DTNA: variants seen among roughly 807,000 people sequenced by gnomAD.
The protein encoded by DTNA is dystrophin-related protein 3.
A neutral mutation model predicts 100.7 loss-of-function variants in DTNA; 43 were observed. That is an observed-to-expected ratio of 0.43 (90% CI 0.33 to 0.55). The LOEUF is 0.55. Ranked by LOEUF, DTNA falls within the 20% of genes least tolerant of loss-of-function variation. The pLI, the probability that DTNA is intolerant of heterozygous loss-of-function variation, is 0.04. For synonymous variants in DTNA, 349 were observed against 347.9 expected (o/e 1.00, Z -0.04); for missense variants, 798 against 953.9 (o/e 0.84, Z 2.15).
rs1220405234 is a variant in DTNA, at chr18:34,827,688, C to A, written c.1085+12C>A. ...TTTATTACCAGGAGGTAAGTTCCAA[C>A]CCTATTATAAAATAAGCCCTTTCTT... On this transcript the variant is annotated intron_variant, in intron 10 of 22. Coordinates refer to ENST00000444659, the MANE Select transcript of DTNA (RefSeq NM_001386795.1). 2.5e-6 allele frequency: 4 copies of A among 1,611,680 alleles called. No individual in the cohort carries two copies. Among genetic ancestry groups the A allele is most frequent in the Non-Finnish European group, 3.4e-6 (4 of 1,177,798 alleles).
chr18:34,660,658 G>A (rs2075058382), intron 1 of DTNA, among the ~76,000 whole-genome samples: 1 of 151,924 alleles, frequency 6.6e-6, no homozygotes. Flanking sequence ...CCTGTTACTT[G>A]GAGACTTCAT....
rs145224519 is a variant in DTNA, at chr18:34,577,995, G to T, written c.-2+84481G>T. 3.0e-4 allele frequency among the ~76,000 whole-genome samples: 44 copies of T among 148,538 alleles called. No homozygotes were observed. The East Asian group carries it at 8.3e-3, about 28-fold the overall frequency. ...TGGGTAGATACCCAGTAGTGGGATT[G>T]CTGGATCAAATGGTAGCTGTACTTT... is the stretch of plus-strand genomic sequence containing the variant. On this transcript the variant is annotated intron_variant, in intron 1 of 19. Transcript: ENST00000283365.
chr18:34,824,349 G>A (rs903807543), intron 9 of DTNA, among the ~76,000 whole-genome samples: 5 of 152,038 alleles, frequency 3.3e-5, no homozygotes, highest in Non-Finnish European at 5.9e-5. Flanking sequence ...GGTGGTGGGC[G>A]CCTGTAGTCC....
At chr18:34,769,741 G>A (rs868323380) in intron 3 of DTNA, among the ~76,000 whole-genome samples, 1 of 14,532 alleles carries the variant, frequency 6.9e-5, no homozygotes, top group South Asian at 3.3e-3. Flanking sequence ...TTTTTTTTTT[G>A]ACAGAGTTTC....
At chr18:34,833,732 C>T (rs981433572) in intron 11 of DTNA, among the ~76,000 whole-genome samples, 17 of 152,136 alleles carry the variant, frequency 1.1e-4, no homozygotes, top group African/African-American at 9.7e-5. Context: ...TTTGTGTGCA[C>T]ATGATTTTAG....
At chr18:34,737,995 A>T (rs939537798) in intron 1 of DTNA, 9 of 152,188 alleles carry the variant, frequency 5.9e-5, no homozygotes, top group African/African-American at 2.2e-4. Flanking sequence ...TATTAGAGAA[A>T]TTCGGAAAAG....
chr18:34,842,363 T>C (rs1272878014), intron 13 of DTNA, among the ~76,000 whole-genome samples: 1 of 152,158 alleles, frequency 6.6e-6, no homozygotes, highest in Non-Finnish European at 1.5e-5. Context: ...ATTTTATGCT[T>C]TGGGAAAAAA....
intron 1 of DTNA, among the ~76,000 whole-genome samples, chr18:34,692,839 T>C (rs914993988): frequency 6.6e-6 from 1 of 152,186 alleles, no homozygotes; most frequent in Non-Finnish European, 1.5e-5. Flanking sequence ...GTGGAGTCTC[T>C]TTAAGGCAAG....
chr18:34,818,300 C>T lies in DTNA; in HGVS notation c.846C>T (p.Asn282=). ...WRGHAGGSHS[N]QHQMKEYTSW... is the part of the protein sequence containing the mutation. ...GACATGCCGGTGGTTCTCATAGCAA[C>T]CAGCACCAAATGAAAGAGTACACGT... Residue 282 remains asparagine, a synonymous_variant, in exon 8 of 23, where the codon AAC becomes AAT. Coordinates refer to ENST00000444659, the MANE Select transcript of DTNA (RefSeq NM_001386795.1). 1 of 1,613,898 alleles carries T rather than the reference C, an allele frequency of 6.2e-7. No individual in the cohort carries two copies. Among genetic ancestry groups the T allele is most frequent in the Non-Finnish European group, 8.5e-7 (1 of 1,179,908 alleles).
intron 1 of DTNA, among the ~76,000 whole-genome samples, chr18:34,508,877 A>G (rs938458524): frequency 6.6e-6 from 1 of 152,074 alleles, no homozygotes; most frequent in Non-Finnish European, 1.5e-5. Flanking sequence ...CCCTTTATAC[A>G]CTTTTTTGAA....
intron 4 of DTNA, among the ~76,000 whole-genome samples, chr18:34,798,410 G>T (rs960234656): frequency 5.3e-5 from 8 of 151,346 alleles, no homozygotes; most frequent in Admixed American, 2.0e-4. Context: ...TTTTACTTCT[G>T]CTCCACAGAA....
intron 3 of DTNA, among the ~76,000 whole-genome samples, chr18:34,776,143 A>C (rs1307549220): frequency 1.3e-5 from 2 of 152,196 alleles, no homozygotes; most frequent in Admixed American, 6.5e-5. Flanking sequence ...AGCGCTATTT[A>C]CCGAAAACTT....
chr18:34,667,736 G>C (rs1280832672), intron 1 of DTNA, among the ~76,000 whole-genome samples: 2 of 152,144 alleles, frequency 1.3e-5, no homozygotes, highest in Non-Finnish European at 2.9e-5. Context: ...TTATTGATTT[G>C]CGTATGTTGA....
intron 1 of DTNA, among the ~76,000 whole-genome samples, chr18:34,644,104 T>C (rs2148417290): frequency 6.6e-6 from 1 of 152,272 alleles, no homozygotes; most frequent in Non-Finnish European, 1.5e-5. Context: ...TAAATCTCTT[T>C]TGAGTAAGTA....
At chr18:34,615,216 A>G (rs2055008642) in intron 1 of DTNA, among the ~76,000 whole-genome samples, 1 of 152,102 alleles carries the variant, frequency 6.6e-6, no homozygotes, top group Admixed American at 6.6e-5. Flanking sequence ...CAAGAGAAAG[A>G]GTGGAGGGGA....
intron 20 of DTNA, among the ~76,000 whole-genome samples, chr18:34,880,806 C>A (rs1232869360): frequency 6.6e-6 from 1 of 152,174 alleles, no homozygotes; most frequent in East Asian, 1.9e-4. Flanking sequence ...CAGTACGCTG[C>A]TGCTTAATAT....
intron 1 of DTNA, among the ~76,000 whole-genome samples, chr18:34,704,045 A>AT (rs1018708110): frequency 6.6e-6 from 1 of 151,984 alleles, no homozygotes; most frequent in African/African-American, 2.4e-5. Context: ...TCTTCCCTTA[A>AT]TTTTTTCTAA....
At chr18:34,758,862 A>G (rs2092954912) in intron 2 of DTNA, among the ~76,000 whole-genome samples, 1 of 152,230 alleles carries the variant, frequency 6.6e-6, no homozygotes, top group African/African-American at 2.4e-5. Context: ...ACAGAGAGCA[A>G]TTGATAAGAA....
intron 9 of DTNA, chr18:34,822,603 G>C (rs1602683826): frequency 6.5e-6 from 1 of 153,296 alleles, no homozygotes; most frequent in Non-Finnish European, 1.5e-5. Context: ...CTCAGGGCCT[G>C]TACCCAGTGG....
Sources: allele counts gnomAD v4.1 joint callset (sites outside exome capture counted in the v4.1 genomes callset), GRCh38; gene constraint gnomAD v4.1.1; transcripts MANE v1.5; gene names NCBI Gene and HGNC (gene_info 2026-07-23, HGNC 2026-07-21).